Variants in ZCCHC7 observed in about 807,000 individuals in gnomAD.
The protein encoded by ZCCHC7 is zinc finger CCHC domain-containing protein 7.
A neutral mutation model predicts 52.0 loss-of-function variants in ZCCHC7; 35 were observed. The ratio of observed to expected loss-of-function variants is 0.67; its 90% CI spans 0.51 to 0.89. The LOEUF (loss-of-function observed/expected upper bound fraction) is 0.89, where lower values mean the gene tolerates loss of function less well. Ranked by LOEUF, ZCCHC7 falls within the 40% of genes least tolerant of loss-of-function variation. The pLI is 0.00. For synonymous variants in ZCCHC7, 217 were observed against 221.5 expected (o/e 0.98, Z 0.18); for missense variants, 574 against 649.1 (o/e 0.88, Z 1.26).
intron 6 of ZCCHC7, among the ~76,000 whole-genome samples, chr9:37,345,683 G>T (rs1475417349): frequency 6.6e-6 from 1 of 150,504 alleles, no homozygotes; most frequent in Non-Finnish European, 1.5e-5. Context: ...TCGTGCCACT[G>T]TGCTGCAGCC....
intron 2 of ZCCHC7, among the ~76,000 whole-genome samples, chr9:37,297,320 G>A (rs1483060884): frequency 2.0e-5 from 3 of 152,158 alleles, no homozygotes; most frequent in African/African-American, 7.2e-5. Flanking sequence ...TTGAGGGCAA[G>A]CACCATGTCT....
At chr9:37,140,308 C>T (rs565293281) in intron 2 of ZCCHC7, among the ~76,000 whole-genome samples, 40 of 152,024 alleles carry the variant, frequency 2.6e-4, no homozygotes, top group African/African-American at 8.4e-4. Context: ...TCCTTACTCC[C>T]ATATAATTGA....
chr9:37,213,617 T>C (rs1422152751), intron 2 of ZCCHC7, among the ~76,000 whole-genome samples: 1 of 152,166 alleles, frequency 6.6e-6, no homozygotes. Context: ...GTAAATGTTT[T>C]AGATTCATTG....
intron 5 of ZCCHC7, among the ~76,000 whole-genome samples, chr9:37,312,994 G>T (rs542986889): frequency 9.9e-5 from 15 of 152,280 alleles, no homozygotes; most frequent in African/African-American, 3.6e-4. Flanking sequence ...AAGGGGAAAA[G>T]AAAAACTCAT....
At chr9:37,210,490 C>G (rs1054328667) in intron 2 of ZCCHC7, among the ~76,000 whole-genome samples, 10 of 152,128 alleles carry the variant, frequency 6.6e-5, no homozygotes, top group African/African-American at 2.4e-4. Context: ...GTAGAAAACA[C>G]CAAGATTTTT....
intron 2 of ZCCHC7, among the ~76,000 whole-genome samples, chr9:37,138,915 G>C (rs1843106133): frequency 1.3e-5 from 2 of 151,566 alleles, no homozygotes; most frequent in Admixed American, 1.3e-4. Flanking sequence ...ATATTTTTAT[G>C]GTCAGAAAGT....
intron 2 of ZCCHC7, among the ~76,000 whole-genome samples, chr9:37,256,789 T>G (rs1284309258): frequency 6.6e-6 from 1 of 152,216 alleles, no homozygotes; most frequent in Admixed American, 6.5e-5. Flanking sequence ...AACTAACTTT[T>G]AGGAAACTAT....
chr9:37,147,270 C>T (rs1843473602), intron 2 of ZCCHC7: 1 of 151,826 alleles, frequency 6.6e-6, no homozygotes, highest in Admixed American at 6.6e-5. Flanking sequence ...ATTTTAAGAC[C>T]ACTAGGATAA....
At chr9:37,178,873 G>A (rs1225736293) in intron 2 of ZCCHC7, among the ~76,000 whole-genome samples, 1 of 152,162 alleles carries the variant, frequency 6.6e-6, no homozygotes, top group Non-Finnish European at 1.5e-5. Flanking sequence ...GGTAGATTGA[G>A]AAATTTTTGG....
intron 2 of ZCCHC7, among the ~76,000 whole-genome samples, chr9:37,180,138 CAG>C (rs1822269048): frequency 6.6e-6 from 1 of 152,066 alleles, no homozygotes; most frequent in Non-Finnish European, 1.5e-5. Context: ...AAATTAGGCA[CAG>C]AGTATATTTG....
intron 2 of ZCCHC7, among the ~76,000 whole-genome samples, chr9:37,137,716 A>G (rs1025059646): frequency 6.6e-6 from 1 of 152,214 alleles, no homozygotes; most frequent in Non-Finnish European, 1.5e-5. Flanking sequence ...TTAAGGTACA[A>G]CTTTCACTCC....
rs1170865355 is a variant in ZCCHC7, at chr9:37,269,618, CAAAAAAAAAAAA to C, written c.611-32553_611-32542del. On this transcript the variant is annotated intron_variant, in intron 2 of 8. Transcript: ENST00000336755. ...TGAGCAACAGAGTGAGACTCTGTCT[CAAAAAAAAAAAA>C]AAAAAAAAAAAAAAAACAAAAGAAG... Among the ~76,000 whole-genome samples, 335 of 27,224 alleles carry C rather than the reference CAAAAAAAAAAAA, an allele frequency of 0.012. 4 individuals are homozygous for C. In the Middle Eastern group the frequency reaches 0.17, roughly 14 times the overall value. The allele number at this position is 27,224 out of a possible 152,430, so 17.9% of individuals were successfully genotyped here.
At chr9:37,311,432 C>A (rs1829594912) in intron 5 of ZCCHC7, among the ~76,000 whole-genome samples, 1 of 152,086 alleles carries the variant, frequency 6.6e-6, no homozygotes, top group East Asian at 1.9e-4. Context: ...TTATTTTTAT[C>A]TTTGAAACAG....
rs1826412782 is a variant in ZCCHC7, at chr9:37,253,165, A to G, written c.611-49023A>G. ...AAGAAAACTGTTTTTTGGAAAATTG[A>G]ATTTTTATTAAAAAATCAACACAAT... is the stretch of plus-strand genomic sequence containing the variant. On this transcript the variant is annotated intron_variant, in intron 2 of 8. Transcript: ENST00000336755. 2.6e-5 allele frequency among the ~76,000 whole-genome samples: 4 copies of G among 152,082 alleles called. No homozygotes were observed. In the South Asian group the frequency reaches 8.3e-4, roughly 31 times the overall value.
chr9:37,321,267 C>T (rs745323329), intron 5 of ZCCHC7, among the ~76,000 whole-genome samples: 1 of 151,898 alleles, frequency 6.6e-6, no homozygotes. Flanking sequence ...GGATTACAGG[C>T]ATGAGCCACC....
chr9:37,155,083 G>C (rs1465846783), intron 2 of ZCCHC7, among the ~76,000 whole-genome samples: 1 of 152,146 alleles, frequency 6.6e-6, no homozygotes, highest in African/African-American at 2.4e-5. Context: ...ATGGCGGGCG[G>C]GGTGTAGTGG....
chr9:37,179,072 C>A (rs962444301), intron 2 of ZCCHC7, among the ~76,000 whole-genome samples: 8 of 152,122 alleles, frequency 5.3e-5, no homozygotes, highest in Non-Finnish European at 8.8e-5. Context: ...TCCGTAGTAT[C>A]TTGATCTTCA....
At chr9:37,128,440 T>C (rs1842631135) in intron 2 of ZCCHC7, among the ~76,000 whole-genome samples, 1 of 152,212 alleles carries the variant, frequency 6.6e-6, no homozygotes. Flanking sequence ...TTTGAGGCAG[T>C]GGTTACCAGT....
chr9:37,300,148 G>T (rs193094145), intron 2 of ZCCHC7, among the ~76,000 whole-genome samples: 1 of 152,234 alleles, frequency 6.6e-6, no homozygotes, highest in South Asian at 2.1e-4. Context: ...GAATAGAGTC[G>T]ATCTCCCTCC....
Sources: gnomAD v4.1 joint callset for allele counts (sites outside exome capture counted in the v4.1 genomes callset) on GRCh38, gnomAD v4.1.1 for gene constraint, MANE v1.5 for transcripts, NCBI Gene and HGNC (gene_info 2026-07-23, HGNC 2026-07-21) for gene names.